Variants in TMEM132B observed in about 807,000 individuals in gnomAD.
TMEM132B encodes transmembrane protein 132B.
Under a neutral mutation model 90.8 loss-of-function variants are expected in TMEM132B, and 18 were observed. The observed-to-expected ratio is 0.20, with a 90% confidence interval of 0.14 to 0.29. The LOEUF (loss-of-function observed/expected upper bound fraction) is 0.29, where lower values mean the gene tolerates loss of function less well. TMEM132B is among the 10% of genes least tolerant of loss of function. The pLI, the probability that TMEM132B is intolerant of heterozygous loss-of-function variation, is 1.00. For missense variants in TMEM132B, 1,096 were observed against 1,326.8 expected, an observed-to-expected ratio of 0.83 and a Z score of 2.70; for synonymous variants, 504 against 523.3, an observed-to-expected ratio of 0.96 and a Z score of 0.50.
chr12:125,471,605 TTGTC>T (rs1234833271), intron 3 of TMEM132B, among the ~76,000 whole-genome samples: 2 of 152,160 alleles, frequency 1.3e-5, no homozygotes, highest in Non-Finnish European at 2.9e-5. Context: ...TGAATGTGCT[TTGTC>T]TGGGAAGAGC....
chr12:125,565,582 A>G (rs920859216), intron 4 of TMEM132B, among the ~76,000 whole-genome samples: 3 of 152,158 alleles, frequency 2.0e-5, no homozygotes, highest in Admixed American at 2.0e-4. Flanking sequence ...GAGTGGTGAA[A>G]GTGGCTCTCA....
chr12:125,270,583 A>G (rs1203387535), intron 1 of TMEM132B, among the ~76,000 whole-genome samples: 2 of 152,208 alleles, frequency 1.3e-5, no homozygotes, highest in African/African-American at 4.8e-5. Flanking sequence ...TTACCACTGT[A>G]GGCCTTGGGA....
In TMEM132B at chr12:125,654,276, G is replaced by C. The variant is rs367795136; in HGVS notation, c.2818G>C (p.Glu940Gln). The C allele has an allele frequency of 5.6e-6, 9 of 1,613,580 alleles. No individual in the cohort carries two copies. Among genetic ancestry groups the C allele is most frequent in the Middle Eastern group, 1.8e-4 (1 of 5,692 alleles). ...KYRHKRFAVS[E>Q]QGNIPHSHDW... ...CAGACACAAAAGGTTTGCTGTGAGT[G>C]AGCAGGGCAACATCCCCCATTCCCA... The change falls in exon 9 of 9, where the codon GAG (glutamate) becomes CAG (glutamine). Residue 940 changes from glutamate (E) to glutamine (Q), a missense_variant. By Grantham distance (29) the Glu-to-Gln change is conservative. Coordinates refer to ENST00000682704, the MANE Select transcript of TMEM132B (RefSeq NM_001366854.1). The surrounding 1 kb of genome is among the most constrained non-coding windows in gnomAD (Gnocchi z 5.8).
rs576537049 is a variant in TMEM132B at position 125,375,780 on chromosome 12, C to G, written c.959+25437C>G. Among the ~76,000 whole-genome samples, 10 of 152,320 alleles carry G rather than the reference C, an allele frequency of 6.6e-5. No homozygotes were observed. In the South Asian group the frequency reaches 2.1e-3, roughly 32 times the overall value. On this transcript the variant is annotated intron_variant, in intron 2 of 8. Coordinates refer to ENST00000682704, the MANE Select transcript of TMEM132B (RefSeq NM_001366854.1). ...AGTGAGACCAGCACATGAACTAAATCACCTTCTATATTCCTGTGAATTCTT... is the reference window on the plus strand; with the variant it reads ...AGTGAGACCAGCACATGAACTAAATGACCTTCTATATTCCTGTGAATTCTT...
intron 1 of TMEM132B, among the ~76,000 whole-genome samples, chr12:125,198,533 A>C (rs572412626): frequency 1.7e-4 from 26 of 152,160 alleles, no homozygotes; most frequent in Non-Finnish European, 2.9e-4. Context: ...CCCAGGACTG[A>C]CTTTTACTGG....
chr12:125,331,326 T>G (rs1205939630), intron 1 of TMEM132B, among the ~76,000 whole-genome samples: 1 of 152,204 alleles, frequency 6.6e-6, no homozygotes, highest in African/African-American at 2.4e-5. Flanking sequence ...GGCTTTGTAT[T>G]TTTCCTCCGC....
intron 1 of TMEM132B, among the ~76,000 whole-genome samples, chr12:125,244,274 G>A (rs1874157449): frequency 6.6e-6 from 1 of 152,200 alleles, no homozygotes. Context: ...CTATGCTCAG[G>A]AGTGGAATTG....
intron 5 of TMEM132B, among the ~76,000 whole-genome samples, chr12:125,607,338 A>G (rs1182586934): frequency 6.6e-6 from 1 of 152,204 alleles, no homozygotes; most frequent in African/African-American, 2.4e-5. Flanking sequence ...TCTGCTCCGA[A>G]ATGTGGGCAG....
intron 2 of TMEM132B, among the ~76,000 whole-genome samples, chr12:125,369,477 G>A (rs752569668): frequency 6.6e-6 from 1 of 152,174 alleles, no homozygotes; most frequent in Non-Finnish European, 1.5e-5. Context: ...TGGAAAGGAT[G>A]AGATTTTTTT....
At position 125,411,105 on chromosome 12, in the gene TMEM132B, TGAGTG is replaced by T. The variant is rs1395080997; in HGVS notation, c.960-4405_960-4401del. On this transcript the variant is annotated intron_variant, in intron 2 of 8. Coordinates refer to ENST00000682704, the MANE Select transcript of TMEM132B (RefSeq NM_001366854.1). Reference sequence around the variant, plus strand: ...AGTGGAGTGGAGGAGTGGAGTGGAGTGAGTGGAGTGGAGTGGAGTGGAGTGAGTGG... The same window carrying T: ...AGTGGAGTGGAGGAGTGGAGTGGAGTGAGTGGAGTGGAGTGGAGTGAGTGG... Among the ~76,000 whole-genome samples, 40 of 11,588 alleles carry T rather than the reference TGAGTG, an allele frequency of 3.5e-3. 1 individual carries two copies. Among genetic ancestry groups the T allele is most frequent in the South Asian group, 6.0e-3 (2 of 334 alleles). 7.6% of individuals were successfully genotyped at this position (11,588 alleles called of 152,430 possible).
At chr12:125,506,100 A>G (rs1882842344) in intron 3 of TMEM132B, among the ~76,000 whole-genome samples, 1 of 152,232 alleles carries the variant, frequency 6.6e-6, no homozygotes, top group South Asian at 2.1e-4. Flanking sequence ...CAGTCTAGCC[A>G]AGAACTGGAA....
intron 5 of TMEM132B, among the ~76,000 whole-genome samples, chr12:125,622,834 G>A (rs565048176): frequency 1.3e-5 from 2 of 152,214 alleles, no homozygotes; most frequent in South Asian, 4.1e-4. Flanking sequence ...TATACCTTGA[G>A]TTCACAATTC....
chr12:125,318,868 T>G (rs774067171), intron 1 of TMEM132B, among the ~76,000 whole-genome samples: 15 of 152,358 alleles, frequency 9.8e-5, no homozygotes, highest in Middle Eastern at 3.4e-3. Flanking sequence ...TGTAAAAATA[T>G]TACATAATCA....
At chr12:125,243,032 T>TATATACACAC (rs1215676534) in intron 1 of TMEM132B, among the ~76,000 whole-genome samples, 3 of 135,008 alleles carry the variant, frequency 2.2e-5, no homozygotes, top group African/African-American at 8.3e-5. Flanking sequence ...TATATATATA[T>TATATACACAC]ACACACACAC....
At chr12:125,278,208 A>G (rs889587056) in intron 1 of TMEM132B, among the ~76,000 whole-genome samples, 2 of 152,256 alleles carry the variant, frequency 1.3e-5, no homozygotes, top group Non-Finnish European at 2.9e-5. Context: ...ATTCATATAC[A>G]TATTGTCTAC....
chr12:125,309,479 G>A (rs895716988), intron 1 of TMEM132B, among the ~76,000 whole-genome samples: 39 of 151,916 alleles, frequency 2.6e-4, no homozygotes, highest in African/African-American at 8.9e-4. Context: ...TCATTTGACC[G>A]ATATTTTCTG....
chr12:125,480,059 A>G (rs1052905922), intron 3 of TMEM132B, among the ~76,000 whole-genome samples: 2 of 152,210 alleles, frequency 1.3e-5, no homozygotes, highest in Admixed American at 6.5e-5. Context: ...TTCGAAACTA[A>G]TGAGAATGAA....
intron 2 of TMEM132B, among the ~76,000 whole-genome samples, chr12:125,392,179 A>G (rs1879043672): frequency 6.6e-6 from 1 of 152,360 alleles, no homozygotes; most frequent in Non-Finnish European, 1.5e-5. Flanking sequence ...ACTGAGAAAT[A>G]TACCTACTAC....
chr12:125,463,152 T>A (rs1439255376), intron 3 of TMEM132B, among the ~76,000 whole-genome samples: 1 of 152,252 alleles, frequency 6.6e-6, no homozygotes, highest in Non-Finnish European at 1.5e-5. Flanking sequence ...CACTCGATAC[T>A]TCTGATCCTC....
Sources: gnomAD v4.1 joint callset for allele counts (sites outside exome capture counted in the v4.1 genomes callset) on GRCh38, gnomAD v4.1.1 for gene constraint, Gnocchi (gnomAD v3.1) non-coding constraint, MANE v1.5 for transcripts, NCBI Gene and HGNC (gene_info 2026-07-23, HGNC 2026-07-21) for gene names.